Variants in KLHL18 observed in about 807,000 individuals in gnomAD.
The protein encoded by KLHL18 is kelch like family member 18.
Under a neutral mutation model 58.5 loss-of-function variants are expected in KLHL18, and 38 were observed. That is an observed-to-expected ratio of 0.65 (90% CI 0.50 to 0.85). KLHL18 has a LOEUF of 0.85. KLHL18 is among the 40% of genes least tolerant of loss of function. The pLI is 0.00. For missense variants in KLHL18, 624 were observed against 778.4 expected, an observed-to-expected ratio of 0.80 and a Z score of 2.36; for synonymous variants, 303 against 301.9, an observed-to-expected ratio of 1.00 and a Z score of -0.04.
chr3:47,336,587 G>A lies in KLHL18; in HGVS notation c.951G>A (p.Glu317=), dbSNP rs1451958011. The A allele has an allele frequency of 6.2e-7, 1 of 1,614,256 alleles. No individual in the cohort carries two copies. Among genetic ancestry groups the A allele is most frequent in the Admixed American group, 1.7e-5 (1 of 60,036 alleles). The part of the protein sequence containing the change: ...EVFDPIANCW[E]RCRPMTTARS... ...TCGACCCCATTGCCAATTGCTGGGAGAGATGCCGTCCCATGACAACAGCCC... is the reference window on the plus strand; with the variant it reads ...TCGACCCCATTGCCAATTGCTGGGAAAGATGCCGTCCCATGACAACAGCCC... The change falls in exon 7 of 10, where the codon GAG becomes GAA. Residue 317 remains glutamate, a synonymous_variant. Transcript: ENST00000232766.
chr3:47,331,605 G>A (rs1410367792), intron 4 of KLHL18, among the ~76,000 whole-genome samples: 2 of 148,908 alleles, frequency 1.3e-5, no homozygotes, highest in African/African-American at 2.5e-5. Flanking sequence ...GCTAACTTTT[G>A]TATTTTTAGT....
intron 1 of KLHL18, among the ~76,000 whole-genome samples, chr3:47,317,517 G>C (rs565685880): frequency 2.6e-4 from 39 of 152,228 alleles, no homozygotes; most frequent in African/African-American, 8.7e-4. Context: ...AGAATTCCCA[G>C]GAAGAGTTCC....
In KLHL18 at chr3:47,334,377, G is replaced by A. The variant is rs1703936625; in HGVS notation, c.762-306G>A. 6.6e-6 allele frequency among the ~76,000 whole-genome samples: 1 copy of A among 152,170 alleles called. No individual in the cohort carries two copies. Among genetic ancestry groups the A allele is most frequent in the Admixed American group, 6.5e-5 (1 of 15,278 alleles). Reference sequence around the variant, plus strand: ...GAAGGGCTAGGTCTGAGTGGCAACAGGGTGCATGCTGCTTGTCGAAACTCC... The same window carrying A: ...GAAGGGCTAGGTCTGAGTGGCAACAAGGTGCATGCTGCTTGTCGAAACTCC... On this transcript the variant is annotated intron_variant, in intron 5 of 9. Transcript: ENST00000232766. This position sits in a 1 kb window ranked among gnomAD's most constrained non-coding sequence, Gnocchi z 4.7.
chr3:47,288,658 C>T (rs911571398), intron 1 of KLHL18, among the ~76,000 whole-genome samples: 3 of 151,974 alleles, frequency 2.0e-5, no homozygotes, highest in East Asian at 1.9e-4. Flanking sequence ...GGAAGCCTGT[C>T]GGATAGTGAG....
intron 1 of KLHL18, among the ~76,000 whole-genome samples, chr3:47,305,608 G>A (rs1703128849): frequency 6.6e-6 from 1 of 152,052 alleles, no homozygotes; most frequent in Middle Eastern, 3.4e-3. Context: ...TGGTACTAGG[G>A]TAATACTGCA....
At chr3:47,317,989 G>C (rs982142038) in intron 1 of KLHL18, among the ~76,000 whole-genome samples, 3 of 152,032 alleles carry the variant, frequency 2.0e-5, no homozygotes, top group African/African-American at 7.2e-5. Context: ...CTGCCCCAGT[G>C]ACCCAAGTAG....
At chr3:47,335,568 C>T (rs974255390) in intron 6 of KLHL18, among the ~76,000 whole-genome samples, 5 of 152,096 alleles carry the variant, frequency 3.3e-5, no homozygotes, top group Middle Eastern at 3.2e-3. Context: ...AGTGCAGTGG[C>T]GCAATCTCAG....
At chr3:47,307,761 T>C (rs1703184350) in intron 1 of KLHL18, among the ~76,000 whole-genome samples, 1 of 152,180 alleles carries the variant, frequency 6.6e-6, no homozygotes, top group Admixed American at 6.5e-5. Context: ...TGATTTTTTT[T>C]CCATGTGGAT....
At chr3:47,333,456 G>C (rs759630119) in intron 5 of KLHL18, 139 bp downstream of exon 5, 12 of 815,980 alleles carry the variant, frequency 1.5e-5, no homozygotes, top group Admixed American at 3.1e-5. Flanking sequence ...TCTGCCCTCT[G>C]TCTAGAAGCT....
chr3:47,315,102 G>C (rs1055904698), intron 1 of KLHL18, among the ~76,000 whole-genome samples: 1 of 152,166 alleles, frequency 6.6e-6, no homozygotes, highest in Non-Finnish European at 1.5e-5. Context: ...AGAGGGGAAA[G>C]ACATATCAGC....
intron 1 of KLHL18, among the ~76,000 whole-genome samples, chr3:47,294,566 G>A (rs974239804): frequency 3.3e-5 from 5 of 152,126 alleles, no homozygotes; most frequent in Non-Finnish European, 7.3e-5. Context: ...TGGTGTTTTG[G>A]GGAAACAGCA....
chr3:47,324,142 T>A (rs1274771285), intron 3 of KLHL18, among the ~76,000 whole-genome samples: 1 of 152,046 alleles, frequency 6.6e-6, no homozygotes, highest in Non-Finnish European at 1.5e-5. Flanking sequence ...GTGGGATGCC[T>A]TCTGGGGCAG....
chr3:47,342,727 T>C lies in KLHL18; in HGVS notation c.1235T>C (p.Val412Ala). ...TYSPETDKWT[V>A]VTSMSSNRSA... ...TTGACTCTTTCCTGAAGATGGACAGTGGTGACCTCGATGAGCTCGAATCGC... is the reference window on the plus strand; with the variant it reads ...TTGACTCTTTCCTGAAGATGGACAGCGGTGACCTCGATGAGCTCGAATCGC... The change falls in exon 9 of 10, where the codon GTG (valine) becomes GCG (alanine). Residue 412 changes from valine (V) to alanine (A), a missense_variant. Transcript: ENST00000232766. 6.2e-7 allele frequency: 1 copy of C among 1,613,994 alleles called. No individual in the cohort carries two copies. The highest frequency in any genetic ancestry group is 8.5e-7 in the Non-Finnish European group (1 of 1,179,898).
chr3:47,330,550 C>T (rs1368619154), intron 4 of KLHL18, among the ~76,000 whole-genome samples: 1 of 152,068 alleles, frequency 6.6e-6, no homozygotes, highest in Non-Finnish European at 1.5e-5. Flanking sequence ...GTTCAGCCTC[C>T]CAAAGTGCTG....
Position 47,334,966 on chromosome 3 carries a change from T to A in KLHL18, c.898+147T>A. The stretch of plus-strand genomic sequence containing the variant: ...TGATTTTATACAATTGCTCTACAGT[T>A]AGAGCATGTCACATATTCATGCCAT... On this transcript the variant is annotated intron_variant, in intron 6 of 9. Coordinates refer to ENST00000232766, the MANE Select transcript of KLHL18 (RefSeq NM_025010.5). This position sits in a 1 kb window ranked among gnomAD's most constrained non-coding sequence, Gnocchi z 4.7. 1.3e-6 allele frequency: 1 copy of A among 791,660 alleles called. No individual in the cohort carries two copies. Among genetic ancestry groups the A allele is most frequent in the South Asian group, 1.9e-5 (1 of 51,948 alleles). 49.0% of individuals were successfully genotyped at this position (791,660 alleles called of 1,614,324 possible). A position where few individuals can be genotyped will look rare whatever the true frequency, so the allele number is the denominator to read the frequency against.
At chr3:47,305,995 A>G (rs1302866571) in intron 1 of KLHL18, among the ~76,000 whole-genome samples, 2 of 151,900 alleles carry the variant, frequency 1.3e-5, no homozygotes, top group African/African-American at 2.4e-5. Context: ...AATTTTATCA[A>G]TATTTTCAAA....
At chr3:47,299,826 C>CAAAA (rs55695849) in intron 1 of KLHL18, among the ~76,000 whole-genome samples, 5 of 43,788 alleles carry the variant, frequency 1.1e-4, no homozygotes, top group African/African-American at 3.1e-4. Flanking sequence ...TACTGTGTCT[C>CAAAA]AAAAAAAAAA....
chr3:47,334,619 A>T lies in KLHL18; in HGVS notation c.762-64A>T. On this transcript the variant is annotated intron_variant, in intron 5 of 9. Transcript: ENST00000232766. This position sits in a 1 kb window ranked among gnomAD's most constrained non-coding sequence, Gnocchi z 4.7. ...GTTGGCAGTGGAGAGCCAGGCTCAG[A>T]GATGCAAACGAGGACTAAGTCAGGG... The T allele has an allele frequency of 6.3e-7, 1 of 1,582,608 alleles. No individual in the cohort carries two copies.
rs956453567 is a variant in KLHL18 at position 47,330,021 on chromosome 3, G to A, written c.472G>A (p.Ala158Thr). ...AATGATGTGTGCTGTGCTGTACGAC[G>A]CTGCCAACAGCTTCATCCACCAGCA... ...ETMMCAVLYD[A>T]ANSFIHQHFV... Residue 158 changes from alanine to threonine, a missense_variant, in exon 4 of 10, where the codon GCT (alanine) becomes ACT (threonine). By Grantham distance (58) the Ala-to-Thr change is moderately conservative. Coordinates refer to ENST00000232766, the MANE Select transcript of KLHL18 (RefSeq NM_025010.5). 17 of 1,613,902 alleles carry A rather than the reference G, an allele frequency of 1.1e-5. No homozygotes were observed. Among genetic ancestry groups the A allele is most frequent in the Middle Eastern group, 1.6e-4 (1 of 6,084 alleles).
Sources: gnomAD v4.1 joint callset for allele counts (sites outside exome capture counted in the v4.1 genomes callset) on GRCh38, gnomAD v4.1.1 for gene constraint, Gnocchi (gnomAD v3.1) non-coding constraint, MANE v1.5 for transcripts, NCBI Gene and HGNC (gene_info 2026-07-23, HGNC 2026-07-21) for gene names.